ARID1B: variants seen among roughly 807,000 people sequenced by gnomAD.
The protein encoded by ARID1B is AT-rich interactive domain-containing protein 1B.
A neutral mutation model predicts 212.3 loss-of-function variants in ARID1B; 30 were observed. The observed-to-expected ratio is 0.14, with a 90% CI of 0.11 to 0.19. ARID1B has a LOEUF of 0.19. ARID1B is among the 10% of genes least tolerant of loss of function. ARID1B has a pLI of 1.00. For missense variants in ARID1B, 2,891 were observed against 3,204.0 expected (o/e 0.90, Z 2.36); for synonymous variants, 1,402 against 1,301.7 (o/e 1.08, Z -1.66).
At chr6:157,001,334 C>T (rs1461740734) in intron 4 of ARID1B, among the ~76,000 whole-genome samples, 3 of 152,146 alleles carry the variant, frequency 2.0e-5, no homozygotes, top group Admixed American at 6.5e-5. Context: ...TGTGTTAATT[C>T]GGAGCTCAGT....
chr6:156,865,787 G>A (rs1785643915), intron 2 of ARID1B, among the ~76,000 whole-genome samples: 1 of 151,596 alleles, frequency 6.6e-6, no homozygotes. Flanking sequence ...CTCTAAGACT[G>A]CTTCCCTCCT....
intron 4 of ARID1B, among the ~76,000 whole-genome samples, chr6:157,010,094 T>G (rs928246673): frequency 3.3e-5 from 5 of 152,314 alleles, no homozygotes; most frequent in African/African-American, 1.2e-4. Flanking sequence ...TTGGATTTTC[T>G]TAGCAATATG....
chr6:156,948,169 G>A (rs1399848588), intron 4 of ARID1B, among the ~76,000 whole-genome samples: 1 of 152,192 alleles, frequency 6.6e-6, no homozygotes, highest in Non-Finnish European at 1.5e-5. Flanking sequence ...AAATACAAAT[G>A]TGGTCAAATT....
At chr6:156,822,934 A>G (rs1175243572) in intron 1 of ARID1B, among the ~76,000 whole-genome samples, 1 of 152,196 alleles carries the variant, frequency 6.6e-6, no homozygotes, top group African/African-American at 2.4e-5. Context: ...ACTGTTTGTA[A>G]TATGCTCAGG....
chr6:157,062,704 A>T (rs977911422), intron 4 of ARID1B, among the ~76,000 whole-genome samples: 4 of 125,104 alleles, frequency 3.2e-5, no homozygotes, highest in East Asian at 2.1e-4. Flanking sequence ...ATATATATAT[A>T]TATTTTTTTT....
intron 2 of ARID1B, among the ~76,000 whole-genome samples, chr6:156,845,247 C>A (rs1351778668): frequency 6.6e-6 from 1 of 152,156 alleles, no homozygotes; most frequent in South Asian, 2.1e-4. Context: ...GCTGGAATCC[C>A]TCCGGGAGCC....
chr6:156,836,818 C>T (rs959960460), intron 2 of ARID1B, among the ~76,000 whole-genome samples: 1 of 152,102 alleles, frequency 6.6e-6, no homozygotes, highest in African/African-American at 2.4e-5. Flanking sequence ...GTACATGCCA[C>T]CACACCCAGC....
Position 156,778,053 on chromosome 6 carries a change from G to C in ARID1B, c.373G>C (p.Ala125Pro). Residue 125 changes from alanine (A) to proline (P), a missense_variant, in exon 1 of 20, where the codon GCG becomes CCG. Around this residue, in one of 7 missense-constraint regions of ARID1B, gnomAD observed 1,643 missense variants for 1,544.0 expected, o/e 1.06. Transcript: ENST00000636930. ...AALSSSSSSS[A>P]AAAAASSSSS... ...GCTGTCCTCCTCCTCCTCCTCCTCC[G>C]CGGCGGCAGCGGCGGCATCCTCTTC... 2 of 1,533,688 alleles carry C rather than the reference G, an allele frequency of 1.3e-6. No individual in the cohort carries two copies. The highest frequency in any genetic ancestry group is 8.7e-7 in the Non-Finnish European group (1 of 1,145,506).
At chr6:157,181,289 G>A in intron 12 of ARID1B, 111 bp downstream of exon 12, 1 of 1,366,584 alleles carries the variant, frequency 7.3e-7, no homozygotes, top group South Asian at 1.4e-5. Context: ...GAAAAGCTAA[G>A]CCTGTGTGAA....
chr6:156,977,817 C>G (rs538782903), intron 4 of ARID1B, among the ~76,000 whole-genome samples: 10 of 152,104 alleles, frequency 6.6e-5, no homozygotes, highest in African/African-American at 2.4e-4. Context: ...GAACTTTAGT[C>G]TGGGACCCAG....
intron 4 of ARID1B, among the ~76,000 whole-genome samples, chr6:157,019,044 G>C (rs540645349): frequency 1.5e-4 from 23 of 152,274 alleles, no homozygotes; most frequent in African/African-American, 5.3e-4. Flanking sequence ...ATGAGTTGAG[G>C]TAAGGGGTGA....
chr6:157,043,351 T>C (rs1782014027), intron 4 of ARID1B, among the ~76,000 whole-genome samples: 1 of 152,144 alleles, frequency 6.6e-6, no homozygotes, highest in East Asian at 1.9e-4. Flanking sequence ...TGTCTCGGCA[T>C]GGGCGCCTTC....
At chr6:156,884,053 A>T (rs1013972335) in intron 2 of ARID1B, among the ~76,000 whole-genome samples, 1 of 152,226 alleles carries the variant, frequency 6.6e-6, no homozygotes, top group African/African-American at 2.4e-5. Flanking sequence ...TAAACTGCTG[A>T]TTATGACTCA....
At chr6:156,827,026 C>A (rs539247735) in intron 1 of ARID1B, among the ~76,000 whole-genome samples, 1 of 152,184 alleles carries the variant, frequency 6.6e-6, no homozygotes, top group East Asian at 1.9e-4. Context: ...TTGATTAATT[C>A]ATCAATTAAT....
intron 4 of ARID1B, among the ~76,000 whole-genome samples, chr6:157,083,583 C>A (rs1274314898): frequency 1.3e-5 from 2 of 152,170 alleles, no homozygotes; most frequent in African/African-American, 4.8e-5. Context: ...AGTCTGTCCT[C>A]AGTAACGTAA....
chr6:156,802,896 G>GT (rs1278699075), intron 1 of ARID1B, among the ~76,000 whole-genome samples: 17 of 152,162 alleles, frequency 1.1e-4, no homozygotes, highest in Admixed American at 1.1e-3. Flanking sequence ...ATTTGTGTAT[G>GT]TACACAATAT....
At chr6:157,019,868 A>C (rs1780119729) in intron 4 of ARID1B, among the ~76,000 whole-genome samples, 1 of 152,216 alleles carries the variant, frequency 6.6e-6, no homozygotes, top group Non-Finnish European at 1.5e-5. Context: ...CATGCCATTC[A>C]TTCTTCCCAC....
At chr6:156,844,481 T>C (rs1322685310) in intron 2 of ARID1B, among the ~76,000 whole-genome samples, 1 of 152,262 alleles carries the variant, frequency 6.6e-6, no homozygotes, top group East Asian at 1.9e-4. Flanking sequence ...ATAGCACCTC[T>C]ATGGCAGTTA....
At chr6:156,828,062 CTT>C (rs538099082) in intron 1 of ARID1B, among the ~76,000 whole-genome samples, 2 of 123,762 alleles carry the variant, frequency 1.6e-5, no homozygotes. Flanking sequence ...TGCCCGGCCT[CTT>C]TTTTTTTTTT....
Sources: allele counts gnomAD v4.1 joint callset (sites outside exome capture counted in the v4.1 genomes callset), GRCh38; gene constraint gnomAD v4.1.1; regional missense constraint gnomAD v4.1.1; transcripts MANE v1.5; gene names NCBI Gene and HGNC (gene_info 2026-07-23, HGNC 2026-07-21).